GRID1: variants seen among roughly 807,000 people sequenced by gnomAD.
GRID1 encodes the protein glutamate receptor ionotropic, delta-1.
GRID1 carries 28 observed loss-of-function variants against 98.0 expected under a neutral mutation model. The ratio of observed to expected loss-of-function variants is 0.29; its 90% CI spans 0.21 to 0.39. GRID1 has a LOEUF of 0.39. Among genes scored for constraint, GRID1 ranks in the 10% least tolerant of loss-of-function variants. The pLI is 1.00. For missense variants in GRID1, 1,111 were observed against 1,340.5 expected, an observed-to-expected ratio of 0.83 and a Z score of 2.67; for synonymous variants, 553 against 538.5, an observed-to-expected ratio of 1.03 and a Z score of -0.37.
Position 85,647,374 on chromosome 10 carries a change from T to G in GRID1, c.2021A>C (p.Gln674Pro). Residue 674 changes from glutamine (Q) to proline (P), a missense_variant, in exon 13 of 16, where the codon CAA becomes CCA. Gln to Pro is a moderately conservative substitution (Grantham distance 76). Coordinates refer to ENST00000327946, the MANE Select transcript of GRID1 (RefSeq NM_017551.3). The part of the protein sequence containing the change: ...PIRTFQDLSK[Q>P]VEMSYGTVRD... Reference sequence around the variant, plus strand: ...GACAGTGCCATAAGACATTTCCACTTGTTTGGACAGGTCCTGGAAAGTCCT... The same window carrying G: ...GACAGTGCCATAAGACATTTCCACTGGTTTGGACAGGTCCTGGAAAGTCCT... 1 of 1,614,192 alleles carries G rather than the reference T, an allele frequency of 6.2e-7. No homozygotes were observed. Among genetic ancestry groups the G allele is most frequent in the Non-Finnish European group, 8.5e-7 (1 of 1,180,018 alleles).
At chr10:85,935,765 A>G (rs1470045480) in intron 4 of GRID1, among the ~76,000 whole-genome samples, 1 of 152,182 alleles carries the variant, frequency 6.6e-6, no homozygotes, top group African/African-American at 2.4e-5. Flanking sequence ...TGTATTTCGG[A>G]TGAGTAAACA....
chr10:85,882,873 G>A (rs1183081493), intron 5 of GRID1, among the ~76,000 whole-genome samples: 1 of 151,776 alleles, frequency 6.6e-6, no homozygotes, highest in Non-Finnish European at 1.5e-5. Flanking sequence ...CTTGTCTTTG[G>A]TGTTCTACAG....
chr10:86,309,580 A>G (rs1321090606), intron 2 of GRID1, among the ~76,000 whole-genome samples: 1 of 152,184 alleles, frequency 6.6e-6, no homozygotes, highest in East Asian at 1.9e-4. Flanking sequence ...TCTACCTGGC[A>G]GCATCCTGTC....
At chr10:86,358,148 C>G (rs1342369086) in intron 2 of GRID1, among the ~76,000 whole-genome samples, 4 of 152,162 alleles carry the variant, frequency 2.6e-5, no homozygotes, top group Non-Finnish European at 5.9e-5. Context: ...CACAGGCTTA[C>G]AGTGTGATGC....
At chr10:85,623,340 A>G (rs1842877698) in intron 13 of GRID1, among the ~76,000 whole-genome samples, 2 of 152,088 alleles carry the variant, frequency 1.3e-5, no homozygotes, top group Non-Finnish European at 2.9e-5. Flanking sequence ...TATCCCACCC[A>G]TCATGGCCCT....
At chr10:85,739,419 A>G (rs1397694287) in intron 8 of GRID1, among the ~76,000 whole-genome samples, 2 of 151,916 alleles carry the variant, frequency 1.3e-5, no homozygotes, top group Non-Finnish European at 2.9e-5. Context: ...ATCTCTAAAA[A>G]TAAACAAATA....
intron 8 of GRID1, among the ~76,000 whole-genome samples, chr10:85,745,974 C>T (rs1364148578): frequency 1.3e-5 from 2 of 152,172 alleles, no homozygotes; most frequent in Non-Finnish European, 2.9e-5. Flanking sequence ...CGACATGAGA[C>T]ATGAATAGCT....
At chr10:85,644,340 C>T (rs1843160213) in intron 13 of GRID1, among the ~76,000 whole-genome samples, 1 of 152,224 alleles carries the variant, frequency 6.6e-6, no homozygotes, top group Non-Finnish European at 1.5e-5. Flanking sequence ...CCAACAATGT[C>T]CTTCTCTCTT....
chr10:86,052,163 T>C (rs1349901201), intron 4 of GRID1, among the ~76,000 whole-genome samples: 1 of 151,492 alleles, frequency 6.6e-6, no homozygotes, highest in Non-Finnish European at 1.5e-5. Context: ...TGCTATGGAA[T>C]AAAAAAAAAT....
Position 85,761,142 on chromosome 10 carries a change from T to C in GRID1, c.1234-31528A>G, listed in dbSNP as rs79885395. 3.5e-3 allele frequency among the ~76,000 whole-genome samples: 529 copies of C among 152,324 alleles called. 5 individuals carry two copies. The highest frequency in any genetic ancestry group is 0.012 in the African/African-American group (509 of 41,578). ...GGGTATCCCAGGAAGAAGGAAGCAC[T>C]TGCCATGCACTATTTCAATTTTTCC... On this transcript the variant is annotated intron_variant, in intron 8 of 15. Transcript: ENST00000327946.
chr10:86,026,377 T>C lies in GRID1; in HGVS notation c.727-110138A>G, dbSNP rs561555025. Among the ~76,000 whole-genome samples the C allele has an allele frequency of 7.9e-5, 12 of 152,322 alleles. No individual in the cohort carries two copies. In the South Asian group the frequency reaches 2.5e-3, roughly 32 times the overall value. ...GTTTGTTAATTTTCAAAATTTACAA[T>C]ACTGAATTGTCCATTTCTGAACATA... On this transcript the variant is annotated intron_variant, in intron 4 of 15. Transcript: ENST00000327946.
chr10:85,865,954 TGGAGAGAGAGAGAGAG>T (rs1564613305), intron 6 of GRID1, among the ~76,000 whole-genome samples: 6 of 54,510 alleles, frequency 1.1e-4, no homozygotes, highest in Admixed American at 3.0e-4. Flanking sequence ...CACATATATA[TGGAGAGAGAGAGAGAG>T]AGAGAGAGAG....
At chr10:86,214,886 C>T (rs1010073728) in intron 2 of GRID1, among the ~76,000 whole-genome samples, 1 of 152,166 alleles carries the variant, frequency 6.6e-6, no homozygotes, top group African/African-American at 2.4e-5. Context: ...GAAAAGAATC[C>T]TCCTAACAAC....
intron 15 of GRID1, among the ~76,000 whole-genome samples, chr10:85,604,529 G>A (rs1346183738): frequency 6.6e-6 from 1 of 152,150 alleles, no homozygotes; most frequent in Admixed American, 6.5e-5. Context: ...GACCATCTCT[G>A]AGTTAGGGTC....
intron 4 of GRID1, among the ~76,000 whole-genome samples, chr10:86,005,997 A>C (rs939103963): frequency 1.3e-5 from 2 of 152,338 alleles, no homozygotes; most frequent in Middle Eastern, 3.4e-3. Flanking sequence ...CTAATAAGCT[A>C]ATTCTAAAAT....
chr10:86,191,629 T>C (rs1845803814), intron 3 of GRID1, among the ~76,000 whole-genome samples: 1 of 152,070 alleles, frequency 6.6e-6, no homozygotes, highest in African/African-American at 2.4e-5. Context: ...CCAGTGTCTC[T>C]GGCCATGGTT....
chr10:86,044,404 C>CT (rs1843391074), intron 4 of GRID1, among the ~76,000 whole-genome samples: 1 of 152,170 alleles, frequency 6.6e-6, no homozygotes, highest in African/African-American at 2.4e-5. Flanking sequence ...AATTGCTGGT[C>CT]TTTTTGCTGG....
At chr10:85,799,357 GT>G (rs1212958404) in intron 8 of GRID1, among the ~76,000 whole-genome samples, 1 of 151,960 alleles carries the variant, frequency 6.6e-6, no homozygotes, top group Non-Finnish European at 1.5e-5. Flanking sequence ...GTTTAGAACT[GT>G]TTTCTTCTAT....
intron 8 of GRID1, among the ~76,000 whole-genome samples, chr10:85,824,960 T>C (rs1198168111): frequency 6.6e-6 from 1 of 152,220 alleles, no homozygotes; most frequent in Non-Finnish European, 1.5e-5. Flanking sequence ...TGATGGATAC[T>C]TAGGTTGGTT....
Sources: gnomAD v4.1 joint callset for allele counts (sites outside exome capture counted in the v4.1 genomes callset) on GRCh38, gnomAD v4.1.1 for gene constraint, MANE v1.5 for transcripts, NCBI Gene and HGNC (gene_info 2026-07-23, HGNC 2026-07-21) for gene names.